The following RAB39A variants were observed in gnomAD, a reference collection of about 807,000 sequenced individuals.
RAB39A encodes the protein ras-related protein Rab-39A.
In RAB39A, 17 loss-of-function variants were observed where a neutral mutation model predicts 20.9. The ratio of observed to expected loss-of-function variants is 0.81; its 90% CI spans 0.56 to 1.22. The LOEUF (loss-of-function observed/expected upper bound fraction) is 1.22, where lower values mean the gene tolerates loss of function less well. RAB39A is among the 50% of genes most tolerant of loss of function. The pLI, the probability that RAB39A is intolerant of heterozygous loss-of-function variation, is 0.00. For synonymous variants in RAB39A, 99 were observed against 103.4 expected (o/e 0.96, Z 0.26); for missense variants, 234 against 270.5 (o/e 0.87, Z 0.95).
chr11:107,944,094 CA>C (rs753877590), intron 1 of RAB39A, among the ~76,000 whole-genome samples: 1,971 of 130,126 alleles, frequency 0.015, 27 homozygotes, highest in African/African-American at 0.049. Context: ...GACTCCATCT[CA>C]AAAAAAAAAA....
At chr11:107,930,253 T>G (rs961402802) in intron 1 of RAB39A, among the ~76,000 whole-genome samples, 2 of 152,226 alleles carry the variant, frequency 1.3e-5, no homozygotes, top group Non-Finnish European at 2.9e-5. Flanking sequence ...AGAAGCCTCC[T>G]TTTATTAAAA....
chr11:107,930,567 G>C (rs1316724621), intron 1 of RAB39A, among the ~76,000 whole-genome samples: 3 of 152,144 alleles, frequency 2.0e-5, no homozygotes, highest in African/African-American at 7.2e-5. Context: ...CTTAAAAGTA[G>C]CTCAACTTGG....
chr11:107,960,813 C>T (rs1424268915), intron 1 of RAB39A, among the ~76,000 whole-genome samples: 4 of 152,164 alleles, frequency 2.6e-5, no homozygotes, highest in Admixed American at 6.5e-5. Context: ...AGGAATACCA[C>T]CACTGCTAAG....
chr11:107,951,119 A>C (rs760189884), intron 1 of RAB39A, among the ~76,000 whole-genome samples: 3 of 152,228 alleles, frequency 2.0e-5, no homozygotes, highest in African/African-American at 4.8e-5. Flanking sequence ...AAAGAATCTT[A>C]AGATTGTTTG....
chr11:107,949,937 C>T lies in RAB39A; in HGVS notation c.228-12009C>T, dbSNP rs551858242. On this transcript the variant is annotated intron_variant, in intron 1 of 1. Transcript: ENST00000320578. ...CCTGTAATCCCAGCACTTTGGGAGG[C>T]CGAGGCGGGCGTATTACAAGGTGAG... 2.0e-5 allele frequency among the ~76,000 whole-genome samples: 3 copies of T among 152,212 alleles called. No homozygotes were observed. In the South Asian group the frequency reaches 6.2e-4, roughly 32 times the overall value.
At chr11:107,952,549 C>A (rs1861391886) in intron 1 of RAB39A, among the ~76,000 whole-genome samples, 1 of 151,416 alleles carries the variant, frequency 6.6e-6, no homozygotes, top group Non-Finnish European at 1.5e-5. Flanking sequence ...CCATTGTGTT[C>A]CAGCCTGAGC....
At chr11:107,958,813 G>GT (rs1565467104) in intron 1 of RAB39A, among the ~76,000 whole-genome samples, 1 of 152,078 alleles carries the variant, frequency 6.6e-6, no homozygotes, top group Non-Finnish European at 1.5e-5. Context: ...TAAAAAATAA[G>GT]TTTTTTGAAA....
At chr11:107,956,903 C>T (rs1044245101) in intron 1 of RAB39A, among the ~76,000 whole-genome samples, 1 of 152,138 alleles carries the variant, frequency 6.6e-6, no homozygotes, top group Middle Eastern at 3.4e-3. Context: ...TGGAAGAAGG[C>T]AAAGGTAGGA....
chr11:107,945,573 ATATC>A lies in RAB39A; in HGVS notation c.228-16370_228-16367del, dbSNP rs1011081261. On this transcript the variant is annotated intron_variant, in intron 1 of 1. Transcript: ENST00000320578. ...GATTTCTGAGCTAATGGTAAAAAAAATATCTAAAACCCAACCCAATGTATACTGT... is the reference window on the plus strand; with the variant it reads ...GATTTCTGAGCTAATGGTAAAAAAAATAAAACCCAACCCAATGTATACTGT... Among the ~76,000 whole-genome samples, 682 of 152,232 alleles carry A rather than the reference ATATC, an allele frequency of 4.5e-3. 4 individuals are homozygous for A. Among genetic ancestry groups the A allele is most frequent in the African/African-American group, 0.016 (646 of 41,548 alleles).
At chr11:107,929,699 G>A (rs1457916439) in intron 1 of RAB39A, among the ~76,000 whole-genome samples, 5 of 152,156 alleles carry the variant, frequency 3.3e-5, no homozygotes, top group African/African-American at 1.2e-4. Flanking sequence ...GACATGAAGG[G>A]TTTCACAAAG....
intron 1 of RAB39A, among the ~76,000 whole-genome samples, chr11:107,955,912 G>A (rs998236701): frequency 3.3e-5 from 5 of 151,902 alleles, no homozygotes; most frequent in South Asian, 4.2e-4. Context: ...TTAGTAGGGG[G>A]TATAAAATAT....
At chr11:107,932,584 C>A (rs1861149339) in intron 1 of RAB39A, among the ~76,000 whole-genome samples, 1 of 152,184 alleles carries the variant, frequency 6.6e-6, no homozygotes, top group Non-Finnish European at 1.5e-5. Context: ...TTTCGGCTCT[C>A]AATTCATTGG....
At chr11:107,945,608 C>A (rs187268605) in intron 1 of RAB39A, among the ~76,000 whole-genome samples, 4 of 152,068 alleles carry the variant, frequency 2.6e-5, no homozygotes, top group Admixed American at 2.6e-4. Context: ...ACTGTTGAAT[C>A]CCCCCCTCCA....
At chr11:107,939,294 A>G (rs1861235108) in intron 1 of RAB39A, among the ~76,000 whole-genome samples, 2 of 149,800 alleles carry the variant, frequency 1.3e-5, no homozygotes, top group South Asian at 2.1e-4. Context: ...CAACCAAGAC[A>G]CACAAAATTA....
At chr11:107,947,586 A>G (rs943217552) in intron 1 of RAB39A, among the ~76,000 whole-genome samples, 1 of 152,108 alleles carries the variant, frequency 6.6e-6, no homozygotes, top group Admixed American at 6.6e-5. Flanking sequence ...GCCCACCACA[A>G]TAGATGAAAA....
At chr11:107,946,454 ATATATATTTTTTTTTTTTTT>A (rs1861317714) in intron 1 of RAB39A, among the ~76,000 whole-genome samples, 5 of 61,908 alleles carry the variant, frequency 8.1e-5, no homozygotes, top group Non-Finnish European at 9.2e-5. Flanking sequence ...ATATATATAT[ATATATATTTTTTTTTTTTTT>A]TTTTTTTTTT....
intron 1 of RAB39A, among the ~76,000 whole-genome samples, chr11:107,935,965 G>T (rs570641396): frequency 2.1e-5 from 3 of 143,228 alleles, no homozygotes. Flanking sequence ...GAGGGCAGTG[G>T]TGTCATCCTG....
intron 1 of RAB39A, among the ~76,000 whole-genome samples, chr11:107,956,907 G>T (rs1861442540): frequency 6.6e-6 from 1 of 152,204 alleles, no homozygotes; most frequent in African/African-American, 2.4e-5. Flanking sequence ...AGAAGGCAAA[G>T]GTAGGAGAGT....
Position 107,928,469 on chromosome 11 carries a change from G to C in RAB39A, c.-100G>C. The C allele has an allele frequency of 1.1e-6, 1 of 870,282 alleles. No individual in the cohort carries two copies. Among genetic ancestry groups the C allele is most frequent in the Non-Finnish European group, 1.6e-6 (1 of 631,514 alleles). The allele number at this position is 870,282 out of a possible 1,614,324, so 53.9% of individuals were successfully genotyped here. A position where few individuals can be genotyped will look rare whatever the true frequency, so the allele number is the denominator to read the frequency against. ...CCGCAGCCGCAGGAATATGCTGGAAGGCGGCGGGCGGGCGCCCGCGAGGTG... is the reference window on the plus strand; with the variant it reads ...CCGCAGCCGCAGGAATATGCTGGAACGCGGCGGGCGGGCGCCCGCGAGGTG... On this transcript the variant is annotated 5_prime_UTR_variant, in exon 1 of 2. Coordinates refer to ENST00000320578, the MANE Select transcript of RAB39A (RefSeq NM_017516.3). This position sits in a 1 kb window ranked among gnomAD's most constrained non-coding sequence, Gnocchi z 4.9.
Sources: gnomAD v4.1 joint callset for allele counts (sites outside exome capture counted in the v4.1 genomes callset) on GRCh38, gnomAD v4.1.1 for gene constraint, Gnocchi (gnomAD v3.1) non-coding constraint, MANE v1.5 for transcripts, NCBI Gene and HGNC (gene_info 2026-07-23, HGNC 2026-07-21) for gene names.